Variants in CDK2AP1 observed in about 807,000 individuals in gnomAD.
CDK2AP1 encodes cyclin dependent kinase 2 associated protein 1.
A neutral mutation model predicts 14.1 loss-of-function variants in CDK2AP1; 10 were observed. The ratio of observed to expected loss-of-function variants is 0.71; its 90% confidence interval spans 0.44 to 1.20. The LOEUF is 1.20. CDK2AP1 is among the 50% of genes most tolerant of loss of function. CDK2AP1 has a pLI of 0.00. For missense variants in CDK2AP1, 102 were observed against 149.9 expected (o/e 0.68, Z 1.67); for synonymous variants, 59 against 59.8 (o/e 0.99, Z 0.06).
At position 123,264,488 on chromosome 12, in the gene CDK2AP1, AAAAG is replaced by A. The variant is rs1440315507; in HGVS notation, c.280+704_280+707del. Among the ~76,000 whole-genome samples, 1,034 of 110,064 alleles carry A rather than the reference AAAAG, an allele frequency of 9.4e-3. 13 individuals carry two copies. Among genetic ancestry groups the A allele is most frequent in the Non-Finnish European group, 0.018 (851 of 47,842 alleles). 72.2% of individuals were successfully genotyped at this position (110,064 alleles called of 152,430 possible). The stretch of plus-strand genomic sequence containing the variant: ...AAAAAAAAAAAAAAAAAAAAAAAAA[AAAAG>A]AGCCCCAAGTCTCCCCTCATCTTGA... On this transcript the variant is annotated intron_variant, in intron 3 of 3. Transcript: ENST00000261692.
chr12:123,261,955 C>T (rs1339953117), intron 3 of CDK2AP1, 152 bp from the exon 4 acceptor site: 8 of 620,262 alleles, frequency 1.3e-5, no homozygotes, highest in Admixed American at 2.8e-5. Context: ...CCAAGCAACC[C>T]TGAAGGACGC....
At position 123,261,085 on chromosome 12, in the gene CDK2AP1, G is replaced by GT. The variant is rs1230472047; in HGVS notation, c.*650dup. On this transcript the variant is annotated 3_prime_UTR_variant, in exon 4 of 4. Transcript: ENST00000261692. ...CAGTTTTAGTCATTTTCTTCCAGAT[G>GT]TTTTTATCAACTTACAATAAACGCA... 6.6e-6 allele frequency: 1 copy of GT among 152,532 alleles called. No homozygotes were observed. Among genetic ancestry groups the GT allele is most frequent in the Non-Finnish European group, 1.5e-5 (1 of 68,032 alleles). 9.4% of individuals were successfully genotyped at this position (152,532 alleles called of 1,614,324 possible). A position where few individuals can be genotyped will look rare whatever the true frequency, so the allele number is the denominator to read the frequency against.
intron 1 of CDK2AP1, chr12:123,271,010 C>G (rs1183315777): frequency 1.0e-6 from 1 of 978,148 alleles, no homozygotes; most frequent in African/African-American, 1.8e-5. Context: ...CCCGGCGGCC[C>G]CGCGACCTCA....
At chr12:123,267,937 T>C (rs941326446) in intron 1 of CDK2AP1, 16 of 153,228 alleles carry the variant, frequency 1.0e-4, no homozygotes, top group African/African-American at 3.9e-4. Flanking sequence ...CCCCAAGGGC[T>C]CTGTATCCCA....
Position 123,261,651 on chromosome 12 carries a change from A to C in CDK2AP1, c.*85T>G. On this transcript the variant is annotated 3_prime_UTR_variant, in exon 4 of 4. Transcript: ENST00000261692. ...AAACGAAACTGTAACCATTTTGAAA[A>C]CAAGGGTTTCATCTGAACAGGGGAG... is the stretch of plus-strand genomic sequence containing the variant. The C allele has an allele frequency of 8.8e-7, 1 of 1,135,472 alleles. No individual in the cohort carries two copies. Among genetic ancestry groups the C allele is most frequent in the East Asian group, 2.4e-5 (1 of 42,282 alleles). 70.3% of individuals were successfully genotyped at this position (1,135,472 alleles called of 1,614,324 possible). A position where few individuals can be genotyped will look rare whatever the true frequency, so the allele number is the denominator to read the frequency against.
intron 1 of CDK2AP1, 21 bp downstream of exon 1, chr12:123,271,543 C>A (rs1339548805): frequency 3.0e-6 from 3 of 997,164 alleles, no homozygotes; most frequent in Admixed American, 6.0e-5. Context: ...GCTTGGGGCG[C>A]GTCGCACGCG....
chr12:123,270,736 G>A (rs2048346488), intron 1 of CDK2AP1, among the ~76,000 whole-genome samples: 2 of 152,004 alleles, frequency 1.3e-5, no homozygotes, highest in South Asian at 4.1e-4. Flanking sequence ...AAGCTTGAGG[G>A]GAGCCCCTCC....
At chr12:123,270,998 G>A (rs2048348704) in intron 1 of CDK2AP1, 2 of 982,528 alleles carry the variant, frequency 2.0e-6, no homozygotes, top group African/African-American at 3.5e-5. Flanking sequence ...CCTGGTCCCA[G>A]TCCCGGCGGC....
chr12:123,262,674 C>G (rs2048245385), intron 3 of CDK2AP1, among the ~76,000 whole-genome samples: 1 of 152,158 alleles, frequency 6.6e-6, no homozygotes. Flanking sequence ...CTGCCAGGAT[C>G]AGGTGATCCT....
In CDK2AP1 at chr12:123,271,687, G is replaced by C. The variant is rs1051526677; in HGVS notation, c.-69C>G. 8 of 599,854 alleles carry C rather than the reference G, an allele frequency of 1.3e-5. No homozygotes were observed. In the Admixed American group the frequency reaches 5.3e-4, roughly 39 times the overall value. The allele number at this position is 599,854 out of a possible 1,614,324, so 37.2% of individuals were successfully genotyped here. A position where few individuals can be genotyped will look rare whatever the true frequency, so the allele number is the denominator to read the frequency against. ...CGAGGGCGGCGGCGGCGGCGGCGAG[G>C]CCGGGCGGTAGCGCTGCAGCCCCGC... On this transcript the variant is annotated 5_prime_UTR_variant, in exon 1 of 4. Transcript: ENST00000261692.
Position 123,265,901 on chromosome 12 carries a change from G to A in CDK2AP1, c.154-579C>T, listed in dbSNP as rs1043840655. Among the ~76,000 whole-genome samples the A allele has an allele frequency of 6.6e-6, 1 of 152,090 alleles. No individual in the cohort carries two copies. The highest frequency in any genetic ancestry group is 1.9e-4 in the East Asian group (1 of 5,174). On this transcript the variant is annotated intron_variant, in intron 2 of 3. Transcript: ENST00000261692. This position sits in a 1 kb window ranked among gnomAD's most constrained non-coding sequence, Gnocchi z 5.3. ...CAAGAGGCCACACCTGGGCCACCAGGACCACAGCGATCCGCCATGGCCCAG... is the reference window on the plus strand; with the variant it reads ...CAAGAGGCCACACCTGGGCCACCAGAACCACAGCGATCCGCCATGGCCCAG...
In CDK2AP1 at chr12:123,271,721, G is replaced by T. The variant is rs1418370450; in HGVS notation, c.-103C>A. On this transcript the variant is annotated 5_prime_UTR_variant, in exon 1 of 4. Transcript: ENST00000261692. ...TAGCGCTGCAGCCCCGCGCCCGTCC[G>T]AGCGCCCGCCGAGCGCCCGCGCACT... 9 of 302,500 alleles carry T rather than the reference G, an allele frequency of 3.0e-5. No homozygotes were observed. The highest frequency in any genetic ancestry group is 4.3e-5 in the Non-Finnish European group (9 of 209,364). 18.7% of individuals were successfully genotyped at this position (302,500 alleles called of 1,614,324 possible).
intron 3 of CDK2AP1, chr12:123,262,024 C>G: frequency 2.3e-6 from 1 of 442,818 alleles, no homozygotes; most frequent in Non-Finnish European, 4.0e-6. Flanking sequence ...TCCTGTCTCT[C>G]TAAACATTTT....
chr12:123,269,953 G>T (rs1273430379), intron 1 of CDK2AP1, among the ~76,000 whole-genome samples: 2 of 152,170 alleles, frequency 1.3e-5, no homozygotes, highest in Non-Finnish European at 1.5e-5. Flanking sequence ...ATTCTCCACA[G>T]GACAAAGAAG....
chr12:123,266,822 G>A (rs908969943), intron 2 of CDK2AP1, among the ~76,000 whole-genome samples: 1 of 152,240 alleles, frequency 6.6e-6, no homozygotes, highest in Non-Finnish European at 1.5e-5. Flanking sequence ...AGTGGGAACT[G>A]ACCCTATCTT....
rs2048341141 is a variant in CDK2AP1 at position 123,270,190 on chromosome 12, C to T, written c.55+1374G>A. On this transcript the variant is annotated intron_variant, in intron 1 of 3. Transcript: ENST00000261692. ...TGGCAGTCCTACCTGGCAACAAAGC[C>T]CGTCTTTGTAAGGTCTGCGGACCCC... is the stretch of plus-strand genomic sequence containing the variant. 1.3e-5 allele frequency: 13 copies of T among 983,992 alleles called. No individual in the cohort carries two copies. The South Asian group carries it at 5.6e-4, about 43-fold the overall frequency. 61.0% of individuals were successfully genotyped at this position (983,992 alleles called of 1,614,324 possible).
At chr12:123,272,232 G>T (rs2048360590), upstream of CDK2AP1, 1 of 152,164 alleles carries the variant, frequency 6.6e-6, no homozygotes, top group South Asian at 2.1e-4. Context: ...CAAGCCCCAG[G>T]ATTAGAATAA....
At chr12:123,266,543 C>G (rs2048297258) in intron 2 of CDK2AP1, among the ~76,000 whole-genome samples, 1 of 152,232 alleles carries the variant, frequency 6.6e-6, no homozygotes, top group Non-Finnish European at 1.5e-5. Flanking sequence ...CGGCTCATCC[C>G]TTGGAGATGT....
chr12:123,267,141 C>CTCCCCCTG (rs1477501786), intron 2 of CDK2AP1, 44 bp downstream of exon 2: 1 of 1,097,140 alleles, frequency 9.1e-7, no homozygotes, highest in East Asian at 2.4e-5. Flanking sequence ...GGAAGCATGT[C>CTCCCCCTG]TCCCCCTGGC....
Sources: gnomAD v4.1 joint callset for allele counts (sites outside exome capture counted in the v4.1 genomes callset) on GRCh38, gnomAD v4.1.1 for gene constraint, Gnocchi (gnomAD v3.1) non-coding constraint, MANE v1.5 for transcripts, NCBI Gene and HGNC (gene_info 2026-07-23, HGNC 2026-07-21) for gene names.